Variants in PCDHGA9 observed in about 807,000 individuals in gnomAD.
PCDHGA9 encodes the protein protocadherin gamma-A9.
A neutral mutation model predicts 62.5 loss-of-function variants in PCDHGA9; 37 were observed. The ratio of observed to expected loss-of-function variants is 0.59; its 90% CI spans 0.46 to 0.78. The LOEUF (loss-of-function observed/expected upper bound fraction) is 0.78, where lower values mean the gene tolerates loss of function less well. Among genes scored for constraint, PCDHGA9 ranks in the 30% least tolerant of loss-of-function variants. The pLI is 0.00. For missense variants in PCDHGA9, 1,138 were observed against 1,166.2 expected (o/e 0.98, Z 0.35); for synonymous variants, 459 against 484.6 (o/e 0.95, Z 0.69).
chr5:141,435,642 T>C lies in PCDHGA9; in HGVS notation c.2424+30266T>C, dbSNP rs1326178929. On this transcript the variant is annotated intron_variant, in intron 1 of 3. Coordinates refer to ENST00000573521, the MANE Select transcript of PCDHGA9 (RefSeq NM_018921.3). ...CATAACTTTTACAACTATGGGAAAA[T>C]TTCTGAAACGTGCACAGATTCCAAG... Among the ~76,000 whole-genome samples the C allele has an allele frequency of 2.0e-5, 3 of 152,156 alleles. No individual in the cohort carries two copies. The East Asian group carries it at 5.8e-4, about 29-fold the overall frequency.
At chr5:141,454,997 A>G (rs2098809547) in intron 1 of PCDHGA9, among the ~76,000 whole-genome samples, 2 of 151,192 alleles carry the variant, frequency 1.3e-5, no homozygotes, top group Admixed American at 6.6e-5. Flanking sequence ...TATTTTTAGT[A>G]GAGACGGGGT....
chr5:141,408,096 C>T, intron 1 of PCDHGA9: 5 of 1,434,864 alleles, frequency 3.5e-6, no homozygotes, highest in Non-Finnish European at 4.6e-6. Flanking sequence ...ATTGCCAGCT[C>T]CGAGACCCGG....
chr5:141,413,090 C>T, intron 1 of PCDHGA9: 1 of 1,391,312 alleles, frequency 7.2e-7, no homozygotes, highest in South Asian at 1.4e-5. Flanking sequence ...ACAGAGACAC[C>T]CTGAAGCCAC....
At position 141,481,719 on chromosome 5, in the gene PCDHGA9, G is replaced by A. The variant is rs1055207250; in HGVS notation, c.2425-13088G>A. On this transcript the variant is annotated intron_variant, in intron 1 of 3. Coordinates refer to ENST00000573521, the MANE Select transcript of PCDHGA9 (RefSeq NM_018921.3). ...CTGTAATCCCAGCACTTTGGGAGGC[G>A]GAGGCGGGCGGATCACGAGGTCAGG... 5.3e-5 allele frequency among the ~76,000 whole-genome samples: 8 copies of A among 151,716 alleles called. No homozygotes were observed. In the East Asian group the frequency reaches 9.7e-4, roughly 18 times the overall value.
rs529966095 is a variant in PCDHGA9 at position 141,499,776 on chromosome 5, TC to T, written c.2483+4914del. 3.7e-3 allele frequency among the ~76,000 whole-genome samples: 528 copies of T among 141,410 alleles called. 6 individuals carry two copies. Among genetic ancestry groups the T allele is most frequent in the Non-Finnish European group, 4.2e-3 (282 of 66,550 alleles). The allele number at this position is 141,410 out of a possible 152,430, so 92.8% of individuals were successfully genotyped here. ...ATCTCAGCTCACTGCAGCCTTCGCCTCCCGGGTTCAAGCAATTCTCATGCTT... is the reference window on the plus strand; with the variant it reads ...ATCTCAGCTCACTGCAGCCTTCGCCTCCGGGTTCAAGCAATTCTCATGCTT... On this transcript the variant is annotated intron_variant, in intron 2 of 3. Coordinates refer to ENST00000573521, the MANE Select transcript of PCDHGA9 (RefSeq NM_018921.3).
intron 1 of PCDHGA9, among the ~76,000 whole-genome samples, chr5:141,446,747 G>T (rs997132200): frequency 3.9e-5 from 6 of 152,190 alleles, no homozygotes; most frequent in Non-Finnish European, 8.8e-5. Context: ...GATTACAGGC[G>T]TGAGCCACCG....
intron 1 of PCDHGA9, among the ~76,000 whole-genome samples, chr5:141,445,429 C>G (rs974775529): frequency 2.6e-5 from 4 of 152,200 alleles, no homozygotes; most frequent in Non-Finnish European, 5.9e-5. Flanking sequence ...ATGCAAGGCA[C>G]TGACCTATGG....
intron 3 of PCDHGA9, chr5:141,507,335 T>A (rs1228652205): frequency 6.6e-6 from 1 of 151,804 alleles, no homozygotes; most frequent in Non-Finnish European, 1.5e-5. Context: ...TGCTCATTGT[T>A]TACCTGAAAT....
chr5:141,428,117 G>A lies in PCDHGA9; in HGVS notation c.2424+22741G>A, dbSNP rs980705077. 5 of 1,606,984 alleles carry A rather than the reference G, an allele frequency of 3.1e-6. No individual in the cohort carries two copies. The African/African-American group carries it at 6.7e-5, about 21-fold the overall frequency. Reference sequence around the variant, plus strand: ...CCTACCACGTGCTGCAGGCCATCGAGCCCGGGCTTTTCAGCCTGGGGCTGC... The same window carrying A: ...CCTACCACGTGCTGCAGGCCATCGAACCCGGGCTTTTCAGCCTGGGGCTGC... On this transcript the variant is annotated intron_variant, in intron 1 of 3. Coordinates refer to ENST00000573521, the MANE Select transcript of PCDHGA9 (RefSeq NM_018921.3).
intron 1 of PCDHGA9, chr5:141,409,740 T>C: frequency 6.2e-7 from 1 of 1,612,820 alleles, no homozygotes; most frequent in Non-Finnish European, 8.5e-7. Context: ...CAGAGCGGGG[T>C]GGTGTTCGCG....
At chr5:141,413,531 A>G (rs1472068242) in intron 1 of PCDHGA9, 6 of 1,613,818 alleles carry the variant, frequency 3.7e-6, no homozygotes, top group Non-Finnish European at 5.1e-6. Flanking sequence ...GACAGGGTGA[A>G]ACTTTTTGGG....
At chr5:141,450,453 C>T (rs1202828231) in intron 1 of PCDHGA9, among the ~76,000 whole-genome samples, 3 of 152,058 alleles carry the variant, frequency 2.0e-5, no homozygotes, top group East Asian at 1.9e-4. Flanking sequence ...TATGTTTCCT[C>T]GTGATTTTAT....
chr5:141,422,744 T>C, intron 1 of PCDHGA9: 1 of 1,610,696 alleles, frequency 6.2e-7, no homozygotes, highest in Non-Finnish European at 8.5e-7. Flanking sequence ...TCCTCCTATG[T>C]CTCTATTAAC....
chr5:141,410,847 G>GTATTTTTTT, intron 1 of PCDHGA9: 1 of 158,252 alleles, frequency 6.3e-6, no homozygotes, highest in African/African-American at 8.4e-5. Context: ...TTTTGTCTTT[G>GTATTTTTTT]TCTTTTTTTT....
rs78612001 is a variant in PCDHGA9 at position 141,432,435 on chromosome 5, C to A, written c.2424+27059C>A. ...TTCGTGCTGGACCAGAACGACAATG[C>A]GCCCGAGATCCTGTACCCCGCCCTC... On this transcript the variant is annotated intron_variant, in intron 1 of 3. Coordinates refer to ENST00000573521, the MANE Select transcript of PCDHGA9 (RefSeq NM_018921.3). The surrounding 1 kb of genome is among the most constrained non-coding windows in gnomAD (Gnocchi z 6.0). The A allele has an allele frequency of 0.027, 43,228 of 1,614,212 alleles. 830 individuals are homozygous for A. The highest frequency in any genetic ancestry group is 0.092 in the African/African-American group (6,903 of 75,054).
chr5:141,476,699 G>C lies in PCDHGA9; in HGVS notation c.2425-18108G>C. 1 of 1,614,222 alleles carries C rather than the reference G, an allele frequency of 6.2e-7. No individual in the cohort carries two copies. The highest frequency in any genetic ancestry group is 8.5e-7 in the Non-Finnish European group (1 of 1,180,042). ...GCGGGAGGACAGCACCAAGTACGCG[G>C]AGCTGGTGTTGGAGCGCGCCCTGGA... is the stretch of plus-strand genomic sequence containing the variant. On this transcript the variant is annotated intron_variant, in intron 1 of 3. Transcript: ENST00000573521. The surrounding 1 kb of genome is among the most constrained non-coding windows in gnomAD (Gnocchi z 7.6).
chr5:141,501,302 C>T (rs886901737), intron 2 of PCDHGA9, among the ~76,000 whole-genome samples: 14 of 151,156 alleles, frequency 9.3e-5, no homozygotes, highest in African/African-American at 2.9e-4. Flanking sequence ...CACACACACA[C>T]ACACACACAC....
chr5:141,405,188 G>T lies in PCDHGA9; in HGVS notation c.2236G>T (p.Val746Phe), dbSNP rs2094622261. The stretch of plus-strand genomic sequence containing the variant: ...CTCACACTTTGTGGGTGTAGATGGG[G>T]TTCGAGCTTTCCTACAGACCTATTC... ...PTSHFVGVDG[V>F]RAFLQTYSQE... The change falls in exon 1 of 4, where the codon GTT (valine) becomes TTT (phenylalanine). Residue 746 changes from valine to phenylalanine, a missense_variant. Coordinates refer to ENST00000573521, the MANE Select transcript of PCDHGA9 (RefSeq NM_018921.3). 6.2e-7 allele frequency: 1 copy of T among 1,613,954 alleles called. No homozygotes were observed. The highest frequency in any genetic ancestry group is 1.3e-5 in the African/African-American group (1 of 74,886).
chr5:141,441,362 G>A (rs1489202253), intron 1 of PCDHGA9: 1 of 152,484 alleles, frequency 6.6e-6, no homozygotes, highest in Non-Finnish European at 1.5e-5. Context: ...AACAAATGGG[G>A]CCGTGGACCA....
Sources: allele counts gnomAD v4.1 joint callset (sites outside exome capture counted in the v4.1 genomes callset), GRCh38; gene constraint gnomAD v4.1.1; non-coding constraint Gnocchi (gnomAD v3.1); transcripts MANE v1.5; gene names NCBI Gene and HGNC (gene_info 2026-07-23, HGNC 2026-07-21).